Variants in SYCP2L observed in about 807,000 individuals in gnomAD.
SYCP2L encodes the protein synaptonemal complex protein 2 like, also known as synaptonemal complex protein 2-like.
In SYCP2L, 98 loss-of-function variants were observed where a neutral mutation model predicts 125.8. The observed-to-expected ratio is 0.78, with a 90% CI of 0.66 to 0.92. The LOEUF (loss-of-function observed/expected upper bound fraction) is 0.92. Among genes scored for constraint, SYCP2L ranks in the 40% least tolerant of loss-of-function variants. The pLI is 0.00. For synonymous variants in SYCP2L, 317 were observed against 325.4 expected (o/e 0.97, Z 0.28); for missense variants, 842 against 936.4 (o/e 0.90, Z 1.32).
At chr6:10,913,668 G>T (rs556291499) in intron 14 of SYCP2L, among the ~76,000 whole-genome samples, 4 of 152,152 alleles carry the variant, frequency 2.6e-5, no homozygotes, top group Admixed American at 6.5e-5. Flanking sequence ...TCTGTGGGTT[G>T]TCTGTTTACT....
At chr6:10,909,116 A>ATTTTTTTTTTTTT (rs67767345) in intron 10 of SYCP2L, among the ~76,000 whole-genome samples, 4 of 94,878 alleles carry the variant, frequency 4.2e-5, no homozygotes, top group African/African-American at 1.9e-4. Context: ...TCTCAATTGA[A>ATTTTTTTTTTTTT]TTTTTTTTTT....
At chr6:10,888,088 T>A (rs1165145817) in intron 1 of SYCP2L, among the ~76,000 whole-genome samples, 9,239 of 76,324 alleles carry the variant, frequency 0.12, 1,227 homozygotes, top group East Asian at 0.33. Context: ...TTTTTTTTTT[T>A]TTTTTTTTTT....
At chr6:10,931,616 T>C (rs1479420141) in intron 20 of SYCP2L, 127 bp downstream of exon 20, 1 of 903,796 alleles carries the variant, frequency 1.1e-6, no homozygotes, top group Non-Finnish European at 1.7e-6. Flanking sequence ...TCACCGCCAA[T>C]AGAAATTTCA....
chr6:10,921,103 C>T (rs942418529), intron 14 of SYCP2L, among the ~76,000 whole-genome samples: 2 of 152,194 alleles, frequency 1.3e-5, no homozygotes, highest in African/African-American at 4.8e-5. Context: ...CATCATTCAG[C>T]TCCCACTTAT....
intron 29 of SYCP2L, among the ~76,000 whole-genome samples, chr6:10,968,944 G>T (rs546933305): frequency 3.3e-5 from 5 of 152,178 alleles, no homozygotes; most frequent in Non-Finnish European, 5.9e-5. Flanking sequence ...AGTCATGGAG[G>T]ATCACAGAGT....
At position 10,974,236 on chromosome 6, in the gene SYCP2L, A is replaced by T. The variant is rs1173578501; in HGVS notation, c.*322A>T. 1 of 152,128 alleles carries T rather than the reference A, an allele frequency of 6.6e-6. No individual in the cohort carries two copies. Among genetic ancestry groups the T allele is most frequent in the African/African-American group, 2.4e-5 (1 of 41,438 alleles). The allele number at this position is 152,128 out of a possible 1,614,324, so 9.4% of individuals were successfully genotyped here. On this transcript the variant is annotated 3_prime_UTR_variant, in exon 30 of 30. Transcript: ENST00000283141. ...TGTTGCTTTTTTTTTATAAAAGTAA[A>T]ATGGACTTTTTTTTGTTTGAGAAAT...
Position 10,955,236 on chromosome 6 carries a change from C to A in SYCP2L, c.2056+19C>A, listed in dbSNP as rs779045931. ...TTGCCAGGTAACATCATGCACCCAG[C>A]CAATGGTTCAAGTAGGAGTGGGATA... On this transcript the variant is annotated intron_variant, in intron 24 of 29. Coordinates refer to ENST00000283141, the MANE Select transcript of SYCP2L (RefSeq NM_001040274.3). The A allele has an allele frequency of 1.1e-5, 16 of 1,505,202 alleles. No homozygotes were observed. In the South Asian group the frequency reaches 1.7e-4, roughly 16 times the overall value. 93.2% of individuals were successfully genotyped at this position (1,505,202 alleles called of 1,614,324 possible).
chr6:10,915,715 C>T (rs1201982849), intron 14 of SYCP2L, among the ~76,000 whole-genome samples: 2 of 152,130 alleles, frequency 1.3e-5, no homozygotes, highest in Non-Finnish European at 2.9e-5. Flanking sequence ...TCGTTGGATT[C>T]GGTTAGCTAG....
chr6:10,971,482 A>G (rs1340828913), intron 29 of SYCP2L, among the ~76,000 whole-genome samples: 1 of 151,474 alleles, frequency 6.6e-6, no homozygotes, highest in Admixed American at 6.6e-5. Flanking sequence ...AAAAGAAAGA[A>G]AGAAAGATAG....
chr6:10,967,039 A>C (rs1337835537), intron 29 of SYCP2L, among the ~76,000 whole-genome samples: 3 of 152,338 alleles, frequency 2.0e-5, no homozygotes, highest in East Asian at 3.9e-4. Flanking sequence ...CTTAAAAAGC[A>C]TAAGAAGATA....
chr6:10,893,112 T>G (rs1208598588), intron 2 of SYCP2L, among the ~76,000 whole-genome samples: 1 of 140,408 alleles, frequency 7.1e-6, no homozygotes, highest in African/African-American at 2.6e-5. Context: ...TTCAAGCGAT[T>G]CTCCTGCCTC....
intron 14 of SYCP2L, among the ~76,000 whole-genome samples, chr6:10,919,729 C>G (rs1780758397): frequency 6.6e-6 from 1 of 151,982 alleles, no homozygotes; most frequent in African/African-American, 2.4e-5. Flanking sequence ...AACTCAGACT[C>G]TCCTTGGGTG....
intron 2 of SYCP2L, among the ~76,000 whole-genome samples, chr6:10,892,504 G>GCC (rs1398076834): frequency 6.6e-6 from 1 of 152,118 alleles, no homozygotes; most frequent in Non-Finnish European, 1.5e-5. Flanking sequence ...TCAATATATT[G>GCC]CCCAGGCTGA....
At chr6:10,901,652 G>C (rs544873136) in intron 6 of SYCP2L, among the ~76,000 whole-genome samples, 1 of 152,202 alleles carries the variant, frequency 6.6e-6, no homozygotes, top group Non-Finnish European at 1.5e-5. Context: ...CCATCCCCAC[G>C]TCATGACAAC....
intron 29 of SYCP2L, among the ~76,000 whole-genome samples, chr6:10,967,454 G>GGGGGGTGT (rs56098075): frequency 7.2e-5 from 10 of 138,838 alleles, no homozygotes; most frequent in Non-Finnish European, 1.4e-4. Flanking sequence ...TGGGGTAGAG[G>GGGGGGTGT]GTGTGTGTGT....
intron 29 of SYCP2L, among the ~76,000 whole-genome samples, chr6:10,969,279 A>AT (rs1281352337): frequency 6.7e-6 from 1 of 150,156 alleles, no homozygotes; most frequent in Non-Finnish European, 1.5e-5. Context: ...TGAGTAGGTG[A>AT]TTTTTTTAAA....
At chr6:10,898,705 TTTC>T in intron 5 of SYCP2L, 116 bp from the exon 6 acceptor site, 2 of 740,198 alleles carry the variant, frequency 2.7e-6, no homozygotes. Flanking sequence ...CTAAAATGCT[TTTC>T]TTCTGTAAAG....
intron 18 of SYCP2L, 59 bp downstream of exon 18, chr6:10,928,509 T>C: frequency 6.7e-7 from 1 of 1,483,166 alleles, no homozygotes; most frequent in Non-Finnish European, 8.9e-7. Context: ...CTGTGACAGG[T>C]GGAAGCCACC....
intron 28 of SYCP2L, 147 bp from the exon 29 acceptor site, chr6:10,963,635 C>T (rs572710161): frequency 7.0e-6 from 5 of 714,034 alleles, no homozygotes; most frequent in Middle Eastern, 4.1e-4. Flanking sequence ...TAATCTCTTA[C>T]GTTAATATCC....
Sources: allele counts gnomAD v4.1 joint callset (sites outside exome capture counted in the v4.1 genomes callset), GRCh38; gene constraint gnomAD v4.1.1; transcripts MANE v1.5; gene names NCBI Gene and HGNC (gene_info 2026-07-23, HGNC 2026-07-21).